Variants in PDSS2 observed in about 807,000 individuals in gnomAD.
PDSS2 encodes decaprenyl diphosphate synthase subunit 2.
In PDSS2, 31 loss-of-function variants were observed where a neutral mutation model predicts 44.5. The ratio of observed to expected loss-of-function variants is 0.70; its 90% confidence interval spans 0.52 to 0.94. PDSS2 has a LOEUF of 0.94. PDSS2 is among the 40% of genes least tolerant of loss of function. PDSS2 has a pLI of 0.00. For missense variants in PDSS2, 452 were observed against 482.2 expected (o/e 0.94, Z 0.59); for synonymous variants, 157 against 180.3 (o/e 0.87, Z 1.03).
intron 3 of PDSS2, among the ~76,000 whole-genome samples, chr6:107,257,266 C>T (rs142895884): frequency 2.9e-3 from 446 of 152,042 alleles, no homozygotes; most frequent in African/African-American, 0.01. Flanking sequence ...GGGCCAGGCA[C>T]AGTGGCTCAT....
intron 1 of PDSS2, among the ~76,000 whole-genome samples, chr6:107,456,049 G>A (rs1463067871): frequency 3.3e-5 from 5 of 152,176 alleles, no homozygotes; most frequent in East Asian, 1.9e-4. Context: ...GAGGCCCGGC[G>A]TGGTGGCTCA....
At chr6:107,235,047 C>A (rs1774178551) in intron 4 of PDSS2, among the ~76,000 whole-genome samples, 1 of 152,050 alleles carries the variant, frequency 6.6e-6, no homozygotes. Context: ...CAGTGACACC[C>A]AAGAAATGGG....
intron 7 of PDSS2, among the ~76,000 whole-genome samples, chr6:107,157,962 C>T (rs1000844411): frequency 8.6e-5 from 13 of 151,908 alleles, no homozygotes; most frequent in Admixed American, 6.6e-5. Flanking sequence ...TGAGCCACTG[C>T]GCCCGACTTA....
At chr6:107,393,984 C>T (rs1190102493) in intron 1 of PDSS2, among the ~76,000 whole-genome samples, 1 of 152,152 alleles carries the variant, frequency 6.6e-6, no homozygotes, top group Non-Finnish European at 1.5e-5. Context: ...CCAAGAGTTT[C>T]TTGCTTTCAT....
At chr6:107,406,948 A>C (rs1780339831) in intron 1 of PDSS2, among the ~76,000 whole-genome samples, 1 of 152,208 alleles carries the variant, frequency 6.6e-6, no homozygotes, top group South Asian at 2.1e-4. Context: ...GAAGAACAAG[A>C]AGTCAGTGAG....
At chr6:107,401,571 G>A (rs553937300) in intron 1 of PDSS2, among the ~76,000 whole-genome samples, 77 of 152,146 alleles carry the variant, frequency 5.1e-4, no homozygotes, top group African/African-American at 1.8e-3. Context: ...GGATCCTAAC[G>A]AAAAAGAAAT....
chr6:107,163,493 T>G (rs1771220325), intron 7 of PDSS2, among the ~76,000 whole-genome samples: 1 of 152,144 alleles, frequency 6.6e-6, no homozygotes, highest in Non-Finnish European at 1.5e-5. Context: ...AAACATAAAC[T>G]ACTGACTCCA....
At chr6:107,427,811 A>T (rs1350486901) in intron 1 of PDSS2, among the ~76,000 whole-genome samples, 3 of 151,990 alleles carry the variant, frequency 2.0e-5, no homozygotes, top group Non-Finnish European at 2.9e-5. Flanking sequence ...TTGTTACTTT[A>T]AAAAAAATGG....
chr6:107,223,461 G>A (rs1376061904), intron 4 of PDSS2, among the ~76,000 whole-genome samples: 3 of 151,118 alleles, frequency 2.0e-5, no homozygotes, highest in Non-Finnish European at 2.9e-5. Context: ...AGCCTGGGAG[G>A]GAGGTGGAGG....
chr6:107,315,167 C>T (rs1313612461), intron 2 of PDSS2, among the ~76,000 whole-genome samples: 1 of 151,852 alleles, frequency 6.6e-6, no homozygotes, highest in Non-Finnish European at 1.5e-5. Context: ...TATAGCAAAC[C>T]CACATTTATC....
At chr6:107,405,124 T>A (rs55828567) in intron 1 of PDSS2, among the ~76,000 whole-genome samples, 13,258 of 151,542 alleles carry the variant, frequency 0.087, 650 homozygotes, top group South Asian at 0.19. Context: ...ATTGGGATTC[T>A]AATTTTAAAA....
rs1771081940 is a variant in PDSS2, at chr6:107,160,397, A to T, written c.1042-5620T>A. ...GGCCTTCCTCTGTCACCCAGACTGG[A>T]GTGCAGTGGTGGATCATGATGGTTC... On this transcript the variant is annotated intron_variant, in intron 7 of 7. Transcript: ENST00000369037. 2.0e-5 allele frequency among the ~76,000 whole-genome samples: 3 copies of T among 152,102 alleles called. No individual in the cohort carries two copies. The South Asian group carries it at 6.2e-4, about 32-fold the overall frequency.
intron 1 of PDSS2, among the ~76,000 whole-genome samples, chr6:107,435,051 A>G (rs1249380686): frequency 6.6e-6 from 1 of 152,090 alleles, no homozygotes; most frequent in African/African-American, 2.4e-5. Context: ...CCAAGGCAGG[A>G]GGATTGGTTG....
At chr6:107,316,483 G>A (rs1162239410) in intron 2 of PDSS2, among the ~76,000 whole-genome samples, 1 of 151,890 alleles carries the variant, frequency 6.6e-6, no homozygotes, top group South Asian at 2.1e-4. Flanking sequence ...TTATATTCTA[G>A]TACAGCTATT....
At chr6:107,224,379 C>T (rs962180406) in intron 4 of PDSS2, among the ~76,000 whole-genome samples, 1 of 151,386 alleles carries the variant, frequency 6.6e-6, no homozygotes, top group African/African-American at 2.5e-5. Flanking sequence ...CCACTGAGCT[C>T]CTAGGAAAGA....
At chr6:107,322,694 A>G (rs1321250964) in intron 2 of PDSS2, among the ~76,000 whole-genome samples, 1 of 151,942 alleles carries the variant, frequency 6.6e-6, no homozygotes, top group Non-Finnish European at 1.5e-5. Flanking sequence ...AAATACAAAA[A>G]CATTAGCCAG....
intron 3 of PDSS2, among the ~76,000 whole-genome samples, chr6:107,260,907 CCA>C (rs1252886646): frequency 6.6e-6 from 1 of 152,072 alleles, no homozygotes. Flanking sequence ...TGTGATCTGC[CCA>C]CCTCAGACAC....
intron 1 of PDSS2, among the ~76,000 whole-genome samples, chr6:107,406,196 C>G (rs79145313): frequency 0.018 from 2,767 of 152,146 alleles, 74 homozygotes; most frequent in East Asian, 0.12. Flanking sequence ...GGTATCCTAC[C>G]CAAACACACT....
At chr6:107,311,062 T>C (rs941847380) in intron 2 of PDSS2, among the ~76,000 whole-genome samples, 10 of 151,868 alleles carry the variant, frequency 6.6e-5, no homozygotes, top group Non-Finnish European at 1.3e-4. Flanking sequence ...AGACAACAGG[T>C]GCACACCACC....
Sources: gnomAD v4.1 joint callset for allele counts (sites outside exome capture counted in the v4.1 genomes callset) on GRCh38, gnomAD v4.1.1 for gene constraint, MANE v1.5 for transcripts, NCBI Gene and HGNC (gene_info 2026-07-23, HGNC 2026-07-21) for gene names.